ERC2: variants seen among roughly 807,000 people sequenced by gnomAD.
ERC2 encodes ERC protein 2.
ERC2 carries 42 observed loss-of-function variants against 114.8 expected under a neutral mutation model. The observed-to-expected ratio is 0.37, with a 90% CI of 0.29 to 0.47. ERC2 has a LOEUF of 0.47. ERC2 is among the 20% of genes least tolerant of loss of function. The probability of loss-of-function intolerance (pLI) is 0.99; values close to 1 mark genes in which losing one functional copy is unlikely to be tolerated. For missense variants in ERC2, 939 were observed against 1,150.7 expected, an observed-to-expected ratio of 0.82 and a Z score of 2.66; for synonymous variants, 454 against 425.5, an observed-to-expected ratio of 1.07 and a Z score of -0.82.
At chr3:56,214,054 A>G (rs1025402818) in intron 3 of ERC2, among the ~76,000 whole-genome samples, 1 of 152,208 alleles carries the variant, frequency 6.6e-6, no homozygotes, top group African/African-American at 2.4e-5. Context: ...AAGATGGGGA[A>G]AAAACAGAGC....
At chr3:55,689,895 G>T (rs1480745506) in intron 16 of ERC2, among the ~76,000 whole-genome samples, 1 of 152,028 alleles carries the variant, frequency 6.6e-6, no homozygotes, top group Non-Finnish European at 1.5e-5. Flanking sequence ...TTAAACCCAA[G>T]AATGTAAATT....
At chr3:56,275,224 T>G (rs2053915476) in intron 3 of ERC2, among the ~76,000 whole-genome samples, 1 of 152,198 alleles carries the variant, frequency 6.6e-6, no homozygotes, top group Admixed American at 6.5e-5. Flanking sequence ...AGCAGATTTT[T>G]TTATGACCTC....
intron 2 of ERC2, among the ~76,000 whole-genome samples, chr3:56,401,531 T>C (rs1307379337): frequency 6.6e-6 from 1 of 152,236 alleles, no homozygotes; most frequent in Non-Finnish European, 1.5e-5. Context: ...AGCAGAAATG[T>C]GCCAATCTTT....
At chr3:56,023,834 G>A (rs183208076) in intron 7 of ERC2, among the ~76,000 whole-genome samples, 97 of 136,276 alleles carry the variant, frequency 7.1e-4, no homozygotes, top group Non-Finnish European at 9.6e-4. Context: ...AGTGGCTTGT[G>A]TAAAAGGAAG....
chr3:55,760,321 G>A (rs959918996), intron 14 of ERC2, among the ~76,000 whole-genome samples: 3 of 152,148 alleles, frequency 2.0e-5, no homozygotes, highest in African/African-American at 7.2e-5. Context: ...ATACTTTAGT[G>A]AGGTTGTGAA....
At chr3:55,839,189 T>C (rs1169092834) in intron 14 of ERC2, among the ~76,000 whole-genome samples, 3 of 151,614 alleles carry the variant, frequency 2.0e-5, no homozygotes. Flanking sequence ...ATTTTTAATA[T>C]ACCAAAAGAA....
chr3:55,832,475 G>A (rs916117099), intron 14 of ERC2, among the ~76,000 whole-genome samples: 8 of 152,236 alleles, frequency 5.3e-5, no homozygotes, highest in Admixed American at 3.9e-4. Flanking sequence ...TGCAGCCACT[G>A]CTGCGGATAC....
intron 6 of ERC2, among the ~76,000 whole-genome samples, chr3:56,102,844 G>A (rs1034708591): frequency 1.3e-5 from 2 of 152,154 alleles, no homozygotes; most frequent in East Asian, 1.9e-4. Context: ...AAAAAAAGAT[G>A]TGCATTATTC....
intron 2 of ERC2, among the ~76,000 whole-genome samples, chr3:56,402,353 T>C (rs1004467923): frequency 2.6e-5 from 4 of 152,286 alleles, no homozygotes; most frequent in East Asian, 1.9e-4. Flanking sequence ...AGTGGTAACC[T>C]CCCTTTGTTG....
At chr3:55,866,923 T>C (rs2062344588) in intron 14 of ERC2, among the ~76,000 whole-genome samples, 1 of 152,152 alleles carries the variant, frequency 6.6e-6, no homozygotes, top group Non-Finnish European at 1.5e-5. Flanking sequence ...CTTGGATATC[T>C]TTTATGATAT....
intron 6 of ERC2, among the ~76,000 whole-genome samples, chr3:56,086,054 T>A (rs2077485993): frequency 6.6e-6 from 1 of 152,152 alleles, no homozygotes; most frequent in East Asian, 1.9e-4. Context: ...CTCTTAAAAT[T>A]ATTTGGTGTT....
At chr3:55,708,720 C>T (rs993811627) in intron 15 of ERC2, among the ~76,000 whole-genome samples, 25 of 150,720 alleles carry the variant, frequency 1.7e-4, no homozygotes, top group Non-Finnish European at 3.2e-4. Context: ...AATTTTTTAA[C>T]CCAAAGGTAA....
At chr3:56,440,474 G>A (rs1176028578) in intron 1 of ERC2, among the ~76,000 whole-genome samples, 3 of 151,722 alleles carry the variant, frequency 2.0e-5, no homozygotes, top group Admixed American at 6.6e-5. Context: ...CATGGACCCA[G>A]GAGGCGGAGC....
At chr3:56,298,876 T>C (rs1458511471) in intron 2 of ERC2, among the ~76,000 whole-genome samples, 1 of 152,082 alleles carries the variant, frequency 6.6e-6, no homozygotes, top group African/African-American at 2.4e-5. Context: ...TCAACAAAGT[T>C]GTCACAAAAA....
intron 2 of ERC2, among the ~76,000 whole-genome samples, chr3:56,399,993 C>T (rs554185688): frequency 6.6e-6 from 1 of 151,734 alleles, no homozygotes; most frequent in Non-Finnish European, 1.5e-5. Flanking sequence ...ATGTGTGGTC[C>T]TTATTTGAAT....
At chr3:55,880,954 G>A (rs1316848534) in intron 14 of ERC2, among the ~76,000 whole-genome samples, 1 of 152,014 alleles carries the variant, frequency 6.6e-6, no homozygotes, top group Admixed American at 6.6e-5. Flanking sequence ...TATAATCTCA[G>A]TCAATCCCCA....
chr3:55,805,446 C>G (rs1392647283), intron 14 of ERC2, among the ~76,000 whole-genome samples: 2 of 151,912 alleles, frequency 1.3e-5, no homozygotes, highest in East Asian at 3.9e-4. Context: ...ACACTTGGAA[C>G]TGAGCCCTGT....
At chr3:56,428,414 G>A (rs181762248) in intron 2 of ERC2, among the ~76,000 whole-genome samples, 146 of 151,874 alleles carry the variant, frequency 9.6e-4, no homozygotes, top group Admixed American at 2.0e-3. Context: ...CCAGCTACTC[G>A]GGAGGCTGAG....
At chr3:55,972,083 C>A (rs1316955514) in intron 12 of ERC2, among the ~76,000 whole-genome samples, 2 of 152,128 alleles carry the variant, frequency 1.3e-5, no homozygotes, top group African/African-American at 4.8e-5. Flanking sequence ...TCCATCCATC[C>A]TTCCATCCAT....
Sources: gnomAD v4.1 joint callset for allele counts (sites outside exome capture counted in the v4.1 genomes callset) on GRCh38, gnomAD v4.1.1 for gene constraint, MANE v1.5 for transcripts, NCBI Gene and HGNC (gene_info 2026-07-23, HGNC 2026-07-21) for gene names.